Variants in DPP6 observed in about 807,000 individuals in gnomAD.
DPP6 encodes the protein A-type potassium channel modulatory protein DPP6.
DPP6 carries 69 observed loss-of-function variants against 122.6 expected under a neutral mutation model. The ratio of observed to expected loss-of-function variants is 0.56; its 90% CI spans 0.46 to 0.69. DPP6 has a LOEUF of 0.69. Among genes scored for constraint, DPP6 ranks in the 30% least tolerant of loss-of-function variants. The probability of loss-of-function intolerance (pLI) is 0.00; values close to 1 mark genes in which losing one functional copy is unlikely to be tolerated. For synonymous variants in DPP6, 418 were observed against 433.1 expected (o/e 0.97, Z 0.43); for missense variants, 928 against 1,116.9 (o/e 0.83, Z 2.41).
intron 1 of DPP6, among the ~76,000 whole-genome samples, chr7:154,385,602 G>T (rs1458417800): frequency 1.3e-5 from 2 of 152,162 alleles, no homozygotes; most frequent in African/African-American, 4.8e-5. Context: ...CTCGTGGGTT[G>T]TCATGAGGTT....
Position 154,446,315 on chromosome 7 carries a change from AC to A in DPP6, c.346del (p.Leu116PhefsTer2). On this transcript the variant is annotated frameshift_variant, in exon 2 of 26. Transcript: ENST00000377770. LOFTEE classifies it high-confidence loss of function. ...ICSLIVTSVI[L>X]LTPAEDNSLS... ...GCTCCTTGATCGTCACCTCGGTCAT[AC>A]TTCTGACACCAGGTACTGTATTCAT... 2 of 1,611,754 alleles carry A rather than the reference AC, an allele frequency of 1.2e-6. No homozygotes were observed. The highest frequency in any genetic ancestry group is 1.7e-6 in the Non-Finnish European group (2 of 1,178,440).
intron 1 of DPP6, among the ~76,000 whole-genome samples, chr7:154,187,485 G>A (rs1798406522): frequency 6.6e-6 from 1 of 152,182 alleles, no homozygotes; most frequent in African/African-American, 2.4e-5. Context: ...TTCCACAAAT[G>A]TTAGCCCACA....
chr7:154,738,239 G>C (rs1310090832), intron 8 of DPP6, among the ~76,000 whole-genome samples: 3 of 152,058 alleles, frequency 2.0e-5, no homozygotes, highest in Admixed American at 6.6e-5. Context: ...CATCTCCAGG[G>C]CCCCCCCAGC....
chr7:154,241,185 A>ATGCGTG lies in DPP6; in HGVS notation c.243+188124_243+188125insCGTGTG, dbSNP rs34454400. ...GCACAGTAGGTAATTCAATATCAAT[A>ATGCGTG]TGTGTGTGTGTGTGTGTGTGTGTGT... On this transcript the variant is annotated intron_variant, in intron 1 of 25. Coordinates refer to ENST00000377770, the MANE Select transcript of DPP6 (RefSeq NM_130797.4). The surrounding 1 kb of genome is among the most constrained non-coding windows in gnomAD (Gnocchi z 9.0). Among the ~76,000 whole-genome samples, 5,277 of 136,190 alleles carry ATGCGTG rather than the reference A, an allele frequency of 0.039. 168 individuals are homozygous for ATGCGTG. Among genetic ancestry groups the ATGCGTG allele is most frequent in the African/African-American group, 0.084 (2,990 of 35,752 alleles). 89.3% of individuals were successfully genotyped at this position (136,190 alleles called of 152,430 possible). A position where few individuals can be genotyped will look rare whatever the true frequency, so the allele number is the denominator to read the frequency against.
chr7:154,016,560 C>T (rs187719679), intron 1 of DPP6, among the ~76,000 whole-genome samples: 384 of 152,026 alleles, frequency 2.5e-3, no homozygotes, highest in African/African-American at 9.0e-3. Context: ...CCCAGGAATT[C>T]GAGACCAGCT....
chr7:153,803,643 T>C, the DPP6 span, among the ~76,000 whole-genome samples: 1 of 151,934 alleles, frequency 6.6e-6, no homozygotes, highest in East Asian at 1.9e-4. Context: ...CATGTGATTA[T>C]TCCTCATAAT....
chr7:154,589,562 T>C (rs1402657248), intron 5 of DPP6, among the ~76,000 whole-genome samples: 3 of 152,352 alleles, frequency 2.0e-5, no homozygotes, highest in South Asian at 2.1e-4. Flanking sequence ...CTGGCCAAGA[T>C]GGTGGCATTA....
intron 7 of DPP6, among the ~76,000 whole-genome samples, chr7:154,670,672 C>T (rs1270357136): frequency 1.3e-5 from 2 of 152,162 alleles, no homozygotes; most frequent in Non-Finnish European, 2.9e-5. Flanking sequence ...ATTACCTAAG[C>T]CTGCATTTGT....
chr7:153,911,847 C>CT (rs77963781), intron 1 of DPP6, among the ~76,000 whole-genome samples: 8,407 of 152,226 alleles, frequency 0.055, 324 homozygotes, highest in East Asian at 0.17. Context: ...ACATCTTTTT[C>CT]TTTTTGCGGA....
At chr7:154,056,304 T>G (rs1051193706) in intron 1 of DPP6, among the ~76,000 whole-genome samples, 3 of 152,154 alleles carry the variant, frequency 2.0e-5, no homozygotes, top group Admixed American at 1.3e-4. Flanking sequence ...GGGCAACTCC[T>G]CTGAGGAATC....
intron 1 of DPP6, among the ~76,000 whole-genome samples, chr7:154,013,458 C>CTTT (rs776460630): frequency 0.11 from 13,863 of 127,102 alleles, 762 homozygotes; most frequent in East Asian, 0.19. Flanking sequence ...GGTTTCTTTT[C>CTTT]TTTTTTTTTT....
intron 4 of DPP6, among the ~76,000 whole-genome samples, chr7:154,552,023 A>C (rs1390398548): frequency 6.6e-6 from 1 of 152,202 alleles, no homozygotes; most frequent in Non-Finnish European, 1.5e-5. Flanking sequence ...TGTGTGCCCA[A>C]GTAAATCATT....
chr7:154,731,249 T>TCCAAG (rs1370488309), intron 8 of DPP6, among the ~76,000 whole-genome samples: 1 of 152,238 alleles, frequency 6.6e-6, no homozygotes, highest in Non-Finnish European at 1.5e-5. Flanking sequence ...GCAGAGGGGC[T>TCCAAG]CATTTGCTTG....
intron 1 of DPP6, among the ~76,000 whole-genome samples, chr7:154,344,834 G>A (rs1156899609): frequency 1.3e-5 from 2 of 152,202 alleles, no homozygotes; most frequent in African/African-American, 4.8e-5. Context: ...GTTGCAGTGA[G>A]CTGAGATCAT....
At chr7:154,138,414 A>G (rs1795686615) in intron 1 of DPP6, among the ~76,000 whole-genome samples, 3 of 152,242 alleles carry the variant, frequency 2.0e-5, no homozygotes, top group Admixed American at 6.5e-5. Context: ...AAGCTTGAGG[A>G]ATGCTGGGAT....
At chr7:153,878,078 G>C in the DPP6 span, among the ~76,000 whole-genome samples, 192 of 152,252 alleles carry the variant, frequency 1.3e-3, 2 homozygotes, top group African/African-American at 4.1e-3. Context: ...CATCAGAAAT[G>C]TTACTCAAAA....
chr7:153,966,793 G>C (rs1331097122), intron 1 of DPP6, among the ~76,000 whole-genome samples: 1 of 151,486 alleles, frequency 6.6e-6, no homozygotes, highest in Non-Finnish European at 1.5e-5. Flanking sequence ...GCCAGGCTTG[G>C]TGGTGGCTCA....
intron 1 of DPP6, among the ~76,000 whole-genome samples, chr7:154,357,538 C>A (rs1413206014): frequency 6.6e-6 from 1 of 152,206 alleles, no homozygotes; most frequent in Non-Finnish European, 1.5e-5. Context: ...TGTATTCAGG[C>A]TCGAGGCAAC....
intron 1 of DPP6, among the ~76,000 whole-genome samples, chr7:154,125,298 C>T (rs1373506600): frequency 1.3e-5 from 2 of 152,196 alleles, no homozygotes; most frequent in Non-Finnish European, 2.9e-5. Flanking sequence ...TCTTCGAAGT[C>T]CTTTCAGAGT....
Sources: allele counts gnomAD v4.1 joint callset (sites outside exome capture counted in the v4.1 genomes callset), GRCh38; gene constraint gnomAD v4.1.1; non-coding constraint Gnocchi (gnomAD v3.1); transcripts MANE v1.5; gene names NCBI Gene and HGNC (gene_info 2026-07-23, HGNC 2026-07-21).